The following INSL6 variants were observed in gnomAD, a reference collection of about 807,000 sequenced individuals.
INSL6 encodes the protein insulin like 6.
In INSL6, 16 loss-of-function variants were observed where a neutral mutation model predicts 9.4. The observed-to-expected ratio is 1.70, with a 90% CI of 1.15 to 2.59. INSL6 has a LOEUF of 2.59. Ranked by LOEUF, INSL6 falls within the 30% of genes most tolerant of loss-of-function variation. The probability of loss-of-function intolerance (pLI) is 0.00; values close to 1 mark genes in which losing one functional copy is unlikely to be tolerated. For synonymous variants in INSL6, 154 were observed against 96.9 expected, an observed-to-expected ratio of 1.59 and a Z score of -3.46; for missense variants, 391 against 257.3, an observed-to-expected ratio of 1.52 and a Z score of -3.56.
chr9:5,106,891 G>T, the INSL6 span, among the ~76,000 whole-genome samples: 81 of 152,232 alleles, frequency 5.3e-4, no homozygotes, highest in African/African-American at 1.8e-3. Context: ...ACACAAAGGG[G>T]CCCGGGGGAG....
At chr9:5,153,571 G>C (rs1330894297) in intron 2 of INSL6, among the ~76,000 whole-genome samples, 1 of 152,192 alleles carries the variant, frequency 6.6e-6, no homozygotes, top group East Asian at 1.9e-4. Context: ...TGTATATTTA[G>C]AAAACCCCAT....
downstream of INSL6, chr9:5,123,146 C>G: frequency 6.8e-7 from 1 of 1,463,382 alleles, no homozygotes; most frequent in South Asian, 1.2e-5. Flanking sequence ...TATTTACTTT[C>G]AGTTTTTTGT....
chr9:5,059,857 T>TCAAAA, the INSL6 span, among the ~76,000 whole-genome samples: 3 of 152,216 alleles, frequency 2.0e-5, no homozygotes, highest in Non-Finnish European at 4.4e-5. Context: ...TCTTATGAAG[T>TCAAAA]GCCTGTGACA....
At chr9:5,150,771 T>C (rs1824695328) in intron 2 of INSL6, among the ~76,000 whole-genome samples, 1 of 151,982 alleles carries the variant, frequency 6.6e-6, no homozygotes, top group Non-Finnish European at 1.5e-5. Context: ...TTTGCATGTT[T>C]AAAGGACCAC....
chr9:5,163,311 A>G (rs1457863086), downstream of INSL6, among the ~76,000 whole-genome samples: 2 of 152,236 alleles, frequency 1.3e-5, no homozygotes, highest in Non-Finnish European at 2.9e-5. Flanking sequence ...GATTCAGATT[A>G]TATCAGTACC....
chr9:5,025,479 T>C, the INSL6 span, among the ~76,000 whole-genome samples: 4 of 152,048 alleles, frequency 2.6e-5, no homozygotes, highest in African/African-American at 2.4e-5. Flanking sequence ...TTCTTCTGTC[T>C]CTTTCTTGCT....
At chr9:5,063,381 C>T in the INSL6 span, among the ~76,000 whole-genome samples, 37 of 152,176 alleles carry the variant, frequency 2.4e-4, no homozygotes, top group Non-Finnish European at 4.7e-4. Context: ...AGTACCTCTT[C>T]GATCACAGCA....
At chr9:5,010,404 T>A in the INSL6 span, among the ~76,000 whole-genome samples, 1 of 151,910 alleles carries the variant, frequency 6.6e-6, no homozygotes, top group Non-Finnish European at 1.5e-5. Flanking sequence ...CGTTGCAACC[T>A]CTGCCTTCGG....
the INSL6 span, among the ~76,000 whole-genome samples, chr9:5,020,120 C>G: frequency 6.5e-3 from 995 of 152,174 alleles, 8 homozygotes; most frequent in African/African-American, 0.022. Flanking sequence ...ATGTCAGTAG[C>G]AGTGGTAGGA....
chr9:5,117,296 A>T, the INSL6 span, among the ~76,000 whole-genome samples: 1 of 152,230 alleles, frequency 6.6e-6, no homozygotes. Context: ...ATGAGTTCAG[A>T]CCTTCTTTAG....
At chr9:5,050,993 T>G in the INSL6 span, among the ~76,000 whole-genome samples, 1 of 152,204 alleles carries the variant, frequency 6.6e-6, no homozygotes, top group African/African-American at 2.4e-5. Flanking sequence ...TTTTGGATAT[T>G]TCCAGATTTT....
the INSL6 span, among the ~76,000 whole-genome samples, chr9:5,064,209 T>C: frequency 1.1e-3 from 169 of 152,014 alleles, no homozygotes; most frequent in African/African-American, 3.9e-3. Flanking sequence ...CATTTTAGTT[T>C]GTAGCATGAA....
At chr9:5,120,268 G>C (rs1448750205), downstream of INSL6, among the ~76,000 whole-genome samples, 1 of 152,228 alleles carries the variant, frequency 6.6e-6, no homozygotes. Flanking sequence ...ATTCATGAGG[G>C]AGAAGCCCTC....
chr9:5,048,542 C>T, the INSL6 span, among the ~76,000 whole-genome samples: 3 of 152,120 alleles, frequency 2.0e-5, no homozygotes, highest in East Asian at 1.9e-4. Flanking sequence ...TGCCTGTTCT[C>T]AAAAGTGTGG....
chr9:4,997,335 G>C, the INSL6 span, among the ~76,000 whole-genome samples: 18 of 152,280 alleles, frequency 1.2e-4, no homozygotes, highest in Non-Finnish European at 2.2e-4. Context: ...TTACAAGCAT[G>C]GGGCTGACAT....
chr9:5,104,687 G>T, the INSL6 span, among the ~76,000 whole-genome samples: 1 of 152,210 alleles, frequency 6.6e-6, no homozygotes, highest in South Asian at 2.1e-4. Context: ...CAATCCAGCA[G>T]CACATCCAAA....
At chr9:5,111,407 G>A in the INSL6 span, 1 of 404,140 alleles carries the variant, frequency 2.5e-6, no homozygotes, top group African/African-American at 2.1e-5. Flanking sequence ...CAGCGGCCTG[G>A]ACACGCAGCC....
the INSL6 span, chr9:5,078,163 T>C: frequency 6.9e-6 from 4 of 583,728 alleles, no homozygotes; most frequent in East Asian, 1.1e-4. Flanking sequence ...GTCATAAATT[T>C]CCTTTTTTCT....
Position 5,175,487 on chromosome 9 carries a change from CCAAAA to C in INSL6, c.289+9822_289+9826del, listed in dbSNP as rs376048866. 1.8e-4 allele frequency among the ~76,000 whole-genome samples: 28 copies of C among 152,232 alleles called. No individual in the cohort carries two copies. In the East Asian group the frequency reaches 4.4e-3, roughly 24 times the overall value. On this transcript the variant is annotated intron_variant, in intron 1 of 1. Transcript: ENST00000381641. The stretch of plus-strand genomic sequence containing the variant: ...AATCTTAATGACTCCTTGCATCACC[CCAAAA>C]CAAAGTCTTTAAAATGATCTAAAAC...
Sources: allele counts gnomAD v4.1 joint callset (sites outside exome capture counted in the v4.1 genomes callset), GRCh38; gene constraint gnomAD v4.1.1; transcripts MANE v1.5; gene names NCBI Gene and HGNC (gene_info 2026-07-23, HGNC 2026-07-21).